KIRREL1: variants seen among roughly 807,000 people sequenced by gnomAD.
KIRREL1 encodes the protein kirre like nephrin family adhesion molecule 1, also known as kin of IRRE-like protein 1.
In KIRREL1, 25 loss-of-function variants were observed where a neutral mutation model predicts 83.3. The observed-to-expected ratio is 0.30, with a 90% CI of 0.22 to 0.42. The LOEUF is 0.42. KIRREL1 is among the 10% of genes least tolerant of loss of function. KIRREL1 has a pLI of 1.00. For missense variants in KIRREL1, 812 were observed against 1,032.3 expected, an observed-to-expected ratio of 0.79 and a Z score of 2.92; for synonymous variants, 388 against 410.4, an observed-to-expected ratio of 0.95 and a Z score of 0.66.
intron 13 of KIRREL1, 40 bp downstream of exon 13, chr1:158,093,802 C>A (rs566170813): frequency 4.3e-6 from 7 of 1,610,112 alleles, no homozygotes; most frequent in South Asian, 1.1e-5. Flanking sequence ...GCCTTCTCCA[C>A]CCTCTGAGGA....
chr1:158,074,802 G>T (rs1570980763), intron 1 of KIRREL1, among the ~76,000 whole-genome samples: 1 of 152,158 alleles, frequency 6.6e-6, no homozygotes, highest in East Asian at 1.9e-4. Context: ...ATCTTGGAGT[G>T]GCGAGGGGTG....
chr1:158,094,788 G>A lies in KIRREL1; in HGVS notation c.1942G>A (p.Ala648Thr), dbSNP rs1662307878. 1.9e-6 allele frequency: 3 copies of A among 1,614,034 alleles called. No homozygotes were observed. Among genetic ancestry groups the A allele is most frequent in the Non-Finnish European group, 2.5e-6 (3 of 1,180,010 alleles). ...CCGTCTCTCCCACTCCAGCGGCTAT[G>A]CCCAGCTCAACACCTATAGCCGGGG... ...SSRLSHSSGYAQLNTYSRGPA... is the reference protein window; with the variant it reads ...SSRLSHSSGYTQLNTYSRGPA... The change falls in exon 15 of 15, where the codon GCC becomes ACC. Residue 648 changes from alanine (A) to threonine (T), a missense_variant. By Grantham distance (58) the Ala-to-Thr change is moderately conservative. Transcript: ENST00000359209. The surrounding 1 kb of genome is among the most constrained non-coding windows in gnomAD (Gnocchi z 4.6).
chr1:158,095,419 G>A lies in KIRREL1; in HGVS notation c.*299G>A. 1 of 319,768 alleles carries A rather than the reference G, an allele frequency of 3.1e-6. No homozygotes were observed. Among genetic ancestry groups the A allele is most frequent in the Non-Finnish European group, 5.7e-6 (1 of 175,050 alleles). 19.8% of individuals were successfully genotyped at this position (319,768 alleles called of 1,614,324 possible). On this transcript the variant is annotated 3_prime_UTR_variant, in exon 15 of 15. Coordinates refer to ENST00000359209, the MANE Select transcript of KIRREL1 (RefSeq NM_018240.7). The stretch of plus-strand genomic sequence containing the variant: ...GAAAGTGAAGGTTAGGGAAAGCAGA[G>A]GGGGGCACTTTTTAGCATTCCCTTT...
intron 1 of KIRREL1, among the ~76,000 whole-genome samples, chr1:158,060,083 G>A (rs989682160): frequency 3.3e-5 from 5 of 152,124 alleles, no homozygotes; most frequent in Non-Finnish European, 7.3e-5. Context: ...CCTTGTCTGT[G>A]CTGTCTAAGG....
intron 1 of KIRREL1, among the ~76,000 whole-genome samples, chr1:158,014,924 T>C (rs539431234): frequency 1.2e-3 from 178 of 152,254 alleles, no homozygotes; most frequent in African/African-American, 4.1e-3. Flanking sequence ...ACTATTTAAC[T>C]GTGTTTAATG....
Position 158,087,741 on chromosome 1 carries a change from G to A in KIRREL1, c.662-14G>A. On this transcript the variant is annotated splice_polypyrimidine_tract_variant and intron_variant, in intron 5 of 14. Coordinates refer to ENST00000359209, the MANE Select transcript of KIRREL1 (RefSeq NM_018240.7). Reference sequence around the variant, plus strand: ...GACAGAAAAGACCCTGACTCCCTGTGCTCTACTTTGCAGACCCTCCTACAG... The same window carrying A: ...GACAGAAAAGACCCTGACTCCCTGTACTCTACTTTGCAGACCCTCCTACAG... The A allele has an allele frequency of 6.3e-7, 1 of 1,599,796 alleles. No homozygotes were observed. The highest frequency in any genetic ancestry group is 8.6e-7 in the Non-Finnish European group (1 of 1,168,060).
chr1:158,076,196 A>C lies in KIRREL1; in HGVS notation c.136A>C (p.Asn46His). ...GGCCGTGCTCCCCTGTGTGCTGCTC[A>C]ACTACTCTGGAATTGTGCAATGGAC... ...QRAVLPCVLL[N>H]YSGIVQWTKD... The change falls in exon 2 of 15, where the codon AAC becomes CAC. Residue 46 changes from asparagine (N) to histidine (H), a missense_variant. Asn to His is a moderately conservative substitution (Grantham distance 68, BLOSUM62 1). This residue lies in a region of KIRREL1 where 472 missense variants were observed against 626.8 expected (regional missense o/e 0.75). Transcript: ENST00000359209. 6.2e-7 allele frequency: 1 copy of C among 1,614,164 alleles called. No homozygotes were observed. The highest frequency in any genetic ancestry group is 8.5e-7 in the Non-Finnish European group (1 of 1,180,014).
At chr1:158,016,506 G>C (rs1014661608) in intron 1 of KIRREL1, among the ~76,000 whole-genome samples, 2 of 152,086 alleles carry the variant, frequency 1.3e-5, no homozygotes, top group Admixed American at 6.5e-5. Context: ...GCCTTGACCC[G>C]AGTAACACCC....
chr1:158,019,872 C>G (rs76775412), intron 1 of KIRREL1, among the ~76,000 whole-genome samples: 1 of 152,036 alleles, frequency 6.6e-6, no homozygotes, highest in Non-Finnish European at 1.5e-5. Flanking sequence ...ATAACACCCC[C>G]GACCCCGGTA....
chr1:158,059,866 T>C (rs758900819), intron 1 of KIRREL1, among the ~76,000 whole-genome samples: 3 of 152,176 alleles, frequency 2.0e-5, no homozygotes, highest in Admixed American at 6.5e-5. Context: ...TAGTTAGGAT[T>C]TGGGGTTAGA....
intron 1 of KIRREL1, among the ~76,000 whole-genome samples, chr1:157,996,096 G>A (rs1470556731): frequency 6.6e-6 from 1 of 151,574 alleles, no homozygotes; most frequent in Non-Finnish European, 1.5e-5. Context: ...GGATGGGGGA[G>A]TAGGTGTCAG....
chr1:158,050,908 G>A (rs145480497), intron 1 of KIRREL1, among the ~76,000 whole-genome samples: 28 of 152,144 alleles, frequency 1.8e-4, no homozygotes, highest in Non-Finnish European at 3.2e-4. Flanking sequence ...TATTTGATCC[G>A]TCCCGGTCTC....
chr1:158,011,383 T>C (rs1285669923), intron 1 of KIRREL1, among the ~76,000 whole-genome samples: 2 of 152,186 alleles, frequency 1.3e-5, no homozygotes, highest in East Asian at 1.9e-4. Flanking sequence ...CCCCAAGGCC[T>C]CTTCCTCATC....
intron 1 of KIRREL1, among the ~76,000 whole-genome samples, chr1:158,020,762 A>G (rs1447855650): frequency 2.6e-5 from 4 of 152,318 alleles, no homozygotes; most frequent in African/African-American, 9.6e-5. Context: ...CAGAGAATGC[A>G]AACAGTTTTT....
intron 3 of KIRREL1, among the ~76,000 whole-genome samples, chr1:158,079,870 G>A (rs1428621766): frequency 6.6e-6 from 1 of 152,218 alleles, no homozygotes; most frequent in Non-Finnish European, 1.5e-5. Flanking sequence ...AAACTGTGAA[G>A]GTCTGGGCGA....
chr1:158,038,391 A>G (rs1456850942), intron 1 of KIRREL1, among the ~76,000 whole-genome samples: 1 of 151,560 alleles, frequency 6.6e-6, no homozygotes, highest in Non-Finnish European at 1.5e-5. Flanking sequence ...ACAAGAACAT[A>G]TGGACTGTGA....
At position 158,084,489 on chromosome 1, in the gene KIRREL1, C is replaced by T; in HGVS notation, c.420C>T (p.Asn140=). The T allele has an allele frequency of 6.4e-7, 1 of 1,551,826 alleles. No homozygotes were observed. Among genetic ancestry groups the T allele is most frequent in the African/African-American group, 1.4e-5 (1 of 73,198 alleles). ...TACTGCAGGCAGGCACCCCCCACAA[C>T]CTCACATGCCGGGCCTTCAATGCGA... is the stretch of plus-strand genomic sequence containing the variant. The part of the protein sequence containing the change: ...VILLQAGTPH[N]LTCRAFNAKP... Residue 140 remains asparagine (N), a synonymous_variant, in exon 4 of 15, where the codon AAC becomes AAT. Coordinates refer to ENST00000359209, the MANE Select transcript of KIRREL1 (RefSeq NM_018240.7).
intron 1 of KIRREL1, among the ~76,000 whole-genome samples, chr1:158,039,152 C>T (rs1287570170): frequency 6.6e-6 from 1 of 152,186 alleles, no homozygotes; most frequent in Non-Finnish European, 1.5e-5. Context: ...CAGCACCACC[C>T]CTTCCCAGGC....
chr1:158,030,653 TA>T (rs1410386688), intron 1 of KIRREL1: 2 of 152,370 alleles, frequency 1.3e-5, no homozygotes, highest in Non-Finnish European at 2.9e-5. Context: ...AACTAACATT[TA>T]TAAAGTCATT....
Sources: allele counts gnomAD v4.1 joint callset (sites outside exome capture counted in the v4.1 genomes callset), GRCh38; gene constraint gnomAD v4.1.1; regional missense constraint gnomAD v4.1.1; non-coding constraint Gnocchi (gnomAD v3.1); transcripts MANE v1.5; gene names NCBI Gene and HGNC (gene_info 2026-07-23, HGNC 2026-07-21).